Variants in AGBL4 observed in about 807,000 individuals in gnomAD.
AGBL4 encodes the protein AGBL carboxypeptidase 4, also known as cytosolic carboxypeptidase 6.
AGBL4 carries 58 observed loss-of-function variants against 66.4 expected under a neutral mutation model. The observed-to-expected ratio is 0.87, with a 90% CI of 0.71 to 1.09. The LOEUF is 1.09. AGBL4 is among the 50% of genes least tolerant of loss of function. The pLI, the probability that AGBL4 is intolerant of heterozygous loss-of-function variation, is 0.00. For missense variants in AGBL4, 579 were observed against 631.0 expected (o/e 0.92, Z 0.88); for synonymous variants, 234 against 222.9 (o/e 1.05, Z -0.44).
At chr1:49,994,339 A>AC (rs1239788083) in intron 1 of AGBL4, 3 of 151,882 alleles carry the variant, frequency 2.0e-5, no homozygotes, top group Non-Finnish European at 2.9e-5. Flanking sequence ...AAAAAAAAAA[A>AC]AACCTGCTTT....
chr1:49,189,002 G>C (rs71647731), intron 4 of AGBL4, among the ~76,000 whole-genome samples: 310 of 152,276 alleles, frequency 2.0e-3, no homozygotes, highest in Middle Eastern at 0.01. Flanking sequence ...TTCTGAGACA[G>C]AATCCAGATT....
At chr1:49,729,470 T>C (rs1413940124) in intron 2 of AGBL4, among the ~76,000 whole-genome samples, 1 of 152,180 alleles carries the variant, frequency 6.6e-6, no homozygotes. Flanking sequence ...GATGAGAAGA[T>C]GTAGTAAAGC....
At position 50,023,877 on chromosome 1, in the gene AGBL4, G is replaced by A; in HGVS notation, c.-81C>T. On this transcript the variant is annotated 5_prime_UTR_variant, in exon 1 of 14. Transcript: ENST00000371839. ...GGGTGGTGGGATCAGTGGGCTGACA[G>A]GAGCTACCTCAGGAAGACGCGGCAC... The A allele has an allele frequency of 1.4e-6, 2 of 1,463,980 alleles. No homozygotes were observed. Among genetic ancestry groups the A allele is most frequent in the Non-Finnish European group, 9.2e-7 (1 of 1,090,332 alleles). 90.7% of individuals were successfully genotyped at this position (1,463,980 alleles called of 1,614,324 possible).
chr1:49,395,692 A>T, intron 3 of AGBL4, among the ~76,000 whole-genome samples: 1 of 147,206 alleles, frequency 6.8e-6, no homozygotes, highest in East Asian at 2.0e-4. Flanking sequence ...TCTGTGGAAA[A>T]ATTGTCTTCC....
At chr1:49,797,920 C>T (rs761237166) in intron 2 of AGBL4, among the ~76,000 whole-genome samples, 36 of 152,202 alleles carry the variant, frequency 2.4e-4, no homozygotes, top group Non-Finnish European at 4.9e-4. Flanking sequence ...TGTGCCACCA[C>T]ACCCGGCTAA....
chr1:48,885,652 C>T (rs1325428567), intron 5 of AGBL4, among the ~76,000 whole-genome samples: 1 of 152,046 alleles, frequency 6.6e-6, no homozygotes, highest in Non-Finnish European at 1.5e-5. Flanking sequence ...TTCTCTTGAC[C>T]TATCATGGCA....
intron 3 of AGBL4, among the ~76,000 whole-genome samples, chr1:49,643,716 T>C (rs1202834019): frequency 6.6e-6 from 1 of 151,694 alleles, no homozygotes; most frequent in Non-Finnish European, 1.5e-5. Flanking sequence ...CAACCTAGAA[T>C]TCTATATCCA....
At position 49,395,800 on chromosome 1, in the gene AGBL4, CAT is replaced by C. The variant is rs199868985; in HGVS notation, c.283-149938_283-149937del. Among the ~76,000 whole-genome samples the C allele has an allele frequency of 7.6e-3, 896 of 118,070 alleles. 5 individuals are homozygous for C. The highest frequency in any genetic ancestry group is 0.039 in the Middle Eastern group (9 of 230). 77.5% of individuals were successfully genotyped at this position (118,070 alleles called of 152,430 possible). A position where few individuals can be genotyped will look rare whatever the true frequency, so the allele number is the denominator to read the frequency against. On this transcript the variant is annotated intron_variant, in intron 3 of 13. Coordinates refer to ENST00000371839, the MANE Select transcript of AGBL4 (RefSeq NM_032785.4). ...ACATGTGTATATATGTATATATATA[CAT>C]ATATATATGTATACATATATATATA... is the stretch of plus-strand genomic sequence containing the variant.
chr1:49,622,036 G>A (rs939037048), intron 3 of AGBL4, among the ~76,000 whole-genome samples: 5 of 152,190 alleles, frequency 3.3e-5, no homozygotes, highest in African/African-American at 1.2e-4. Flanking sequence ...CTAGATCCAA[G>A]TCCCATTGAA....
At chr1:49,530,998 C>A (rs1651099183) in intron 3 of AGBL4, among the ~76,000 whole-genome samples, 1 of 152,066 alleles carries the variant, frequency 6.6e-6, no homozygotes, top group Admixed American at 6.6e-5. Context: ...TAGGTCAATA[C>A]CTAGCACAGA....
intron 3 of AGBL4, among the ~76,000 whole-genome samples, chr1:49,340,216 GAA>G (rs35729306): frequency 0.029 from 3,769 of 127,974 alleles, 144 homozygotes; most frequent in African/African-American, 0.093. Flanking sequence ...ATTCTCTATG[GAA>G]AAAAAAAAAA....
chr1:49,397,094 C>T (rs1217212418), intron 3 of AGBL4, among the ~76,000 whole-genome samples: 1 of 152,142 alleles, frequency 6.6e-6, no homozygotes, highest in Non-Finnish European at 1.5e-5. Flanking sequence ...CAGAGCTCAG[C>T]TTTGCTCACT....
intron 3 of AGBL4, among the ~76,000 whole-genome samples, chr1:49,690,233 ACCAG>A (rs1362713879): frequency 6.6e-6 from 1 of 152,214 alleles, no homozygotes; most frequent in African/African-American, 2.4e-5. Flanking sequence ...TTTTATATGT[ACCAG>A]GGAACCAAAA....
intron 4 of AGBL4, among the ~76,000 whole-genome samples, chr1:49,130,504 G>A (rs1303784928): frequency 2.0e-5 from 3 of 152,046 alleles, no homozygotes; most frequent in Non-Finnish European, 2.9e-5. Flanking sequence ...GGTGTAAGGA[G>A]GGGATCCAGT....
intron 1 of AGBL4, among the ~76,000 whole-genome samples, chr1:49,868,187 T>A (rs150888922): frequency 6.6e-6 from 1 of 152,270 alleles, no homozygotes; most frequent in African/African-American, 2.4e-5. Context: ...ACCATGGAAA[T>A]GAACATACTG....
At chr1:49,491,048 G>A (rs1294321412) in intron 3 of AGBL4, among the ~76,000 whole-genome samples, 1 of 151,698 alleles carries the variant, frequency 6.6e-6, no homozygotes, top group African/African-American at 2.4e-5. Flanking sequence ...TACATACCAT[G>A]TCTCTATTCT....
intron 3 of AGBL4, among the ~76,000 whole-genome samples, chr1:49,665,127 C>T (rs142947691): frequency 6.6e-6 from 1 of 152,134 alleles, no homozygotes; most frequent in Non-Finnish European, 1.5e-5. Flanking sequence ...CAGTATAGTA[C>T]CATATGTAAG....
In AGBL4 at chr1:50,017,131, T is replaced by G. The variant is rs186865467; in HGVS notation, c.34+6632A>C. On this transcript the variant is annotated intron_variant, in intron 1 of 13. Coordinates refer to ENST00000371839, the MANE Select transcript of AGBL4 (RefSeq NM_032785.4). ...CTCTACAGAAGCCATCAGCAAATATTTCTTTACACAAGCAACCACATCTAT... is the reference window on the plus strand; with the variant it reads ...CTCTACAGAAGCCATCAGCAAATATGTCTTTACACAAGCAACCACATCTAT... The G allele has an allele frequency of 6.0e-4, 92 of 152,218 alleles. 1 individual carries two copies. Among genetic ancestry groups the G allele is most frequent in the African/African-American group, 2.2e-3 (91 of 41,532 alleles). The allele number at this position is 152,218 out of a possible 1,614,324, so 9.4% of individuals were successfully genotyped here. A position where few individuals can be genotyped will look rare whatever the true frequency, so the allele number is the denominator to read the frequency against.
intron 6 of AGBL4, among the ~76,000 whole-genome samples, chr1:48,754,153 C>A (rs1652167087): frequency 6.6e-6 from 1 of 152,162 alleles, no homozygotes; most frequent in South Asian, 2.1e-4. Flanking sequence ...GGGGAGGACA[C>A]CGTAGCCTTG....
Sources: gnomAD v4.1 joint callset for allele counts (sites outside exome capture counted in the v4.1 genomes callset) on GRCh38, gnomAD v4.1.1 for gene constraint, MANE v1.5 for transcripts, NCBI Gene and HGNC (gene_info 2026-07-23, HGNC 2026-07-21) for gene names.